The following CLVS1 variants were observed in gnomAD, a reference collection of about 807,000 sequenced individuals.
CLVS1 encodes clavesin-1.
In CLVS1, 10 loss-of-function variants were observed where a neutral mutation model predicts 33.1. That is an observed-to-expected ratio of 0.30 (90% CI 0.19 to 0.51). The LOEUF is 0.51. Ranked by LOEUF, CLVS1 falls within the 20% of genes least tolerant of loss-of-function variation. The probability of loss-of-function intolerance (pLI) is 0.97; values close to 1 mark genes in which losing one functional copy is unlikely to be tolerated. For synonymous variants in CLVS1, 163 were observed against 166.1 expected (o/e 0.98, Z 0.14); for missense variants, 343 against 433.4 (o/e 0.79, Z 1.85).
At position 61,311,245 on chromosome 8, in the gene CLVS1, G is replaced by A. The variant is rs1279566709; in HGVS notation, c.455+10963G>A. 5.9e-5 allele frequency among the ~76,000 whole-genome samples: 9 copies of A among 152,154 alleles called. No homozygotes were observed. In the East Asian group the frequency reaches 7.7e-4, roughly 13 times the overall value. On this transcript the variant is annotated intron_variant, in intron 2 of 5. Coordinates refer to ENST00000325897, the MANE Select transcript of CLVS1 (RefSeq NM_173519.3). ...AATGTGCCTTGATTCCGGCTTCCTC[G>A]ACCCACTGCATGTGTGTATGGTGTG...
intron 2 of CLVS1, among the ~76,000 whole-genome samples, chr8:61,145,154 A>G (rs1806389795): frequency 6.7e-6 from 1 of 149,788 alleles, no homozygotes; most frequent in Admixed American, 6.6e-5. Context: ...AACTATTATC[A>G]GCATGAAAAG....
At chr8:61,257,678 A>G (rs895417520) in intron 2 of CLVS1, among the ~76,000 whole-genome samples, 2 of 152,184 alleles carry the variant, frequency 1.3e-5, no homozygotes, top group Admixed American at 1.3e-4. Context: ...AAAGCTGAAT[A>G]ATTAAGAGGA....
chr8:61,236,637 C>G (rs907851855), intron 2 of CLVS1, among the ~76,000 whole-genome samples: 1 of 152,192 alleles, frequency 6.6e-6, no homozygotes, highest in Non-Finnish European at 1.5e-5. Context: ...CATCTCTCCT[C>G]CCCATGCTCA....
At chr8:61,051,885 C>T in the CLVS1 span, among the ~76,000 whole-genome samples, 3 of 152,276 alleles carry the variant, frequency 2.0e-5, no homozygotes, top group African/African-American at 7.2e-5. Flanking sequence ...GGCCCCATCC[C>T]ACTCCCAGAA....
At chr8:61,112,665 TA>T (rs1805650272) in intron 1 of CLVS1, among the ~76,000 whole-genome samples, 1 of 152,196 alleles carries the variant, frequency 6.6e-6, no homozygotes, top group Non-Finnish European at 1.5e-5. Flanking sequence ...ATCAGTAAGA[TA>T]GATTCTAAAA....
intron 2 of CLVS1, among the ~76,000 whole-genome samples, chr8:61,331,528 A>C: frequency 8.7e-6 from 1 of 115,274 alleles, no homozygotes; most frequent in African/African-American, 2.7e-5. Context: ...TTGCCTTCCC[A>C]ATTAAAAAAA....
chr8:61,376,160 T>C (rs1478606684), intron 2 of CLVS1, among the ~76,000 whole-genome samples: 1 of 152,224 alleles, frequency 6.6e-6, no homozygotes, highest in African/African-American at 2.4e-5. Flanking sequence ...TTCATCAAAA[T>C]AAACACCTCT....
chr8:61,325,488 C>T (rs145340915), intron 2 of CLVS1, among the ~76,000 whole-genome samples: 5 of 152,252 alleles, frequency 3.3e-5, no homozygotes, highest in African/African-American at 1.2e-4. Flanking sequence ...CATTGTGACT[C>T]TCTTAAAAAC....
chr8:61,476,375 A>C (rs1430481438), intron 5 of CLVS1, among the ~76,000 whole-genome samples: 1 of 152,102 alleles, frequency 6.6e-6, no homozygotes, highest in Admixed American at 6.6e-5. Context: ...TGAATCTGTA[A>C]ATTACCTTGG....
rs115833814 is a variant in CLVS1 at position 61,202,454 on chromosome 8, A to G, written c.-152+70594A>G. 1.3e-3 allele frequency: 1,049 copies of G among 791,552 alleles called. 12 individuals carry two copies. In the African/African-American group the frequency reaches 0.016, roughly 12 times the overall value. The allele number at this position is 791,552 out of a possible 1,614,324, so 49.0% of individuals were successfully genotyped here. A position where few individuals can be genotyped will look rare whatever the true frequency, so the allele number is the denominator to read the frequency against. ...AAAGATTGTCACTTTAAGGTGGATA[A>G]TGATGAAAATGAGCGCCAGTTGTCT... On this transcript the variant is annotated intron_variant, in intron 2 of 2. Coordinates refer to the CLVS1 transcript ENST00000522621.
chr8:61,047,117 AC>A, the CLVS1 span, among the ~76,000 whole-genome samples: 1 of 152,234 alleles, frequency 6.6e-6, no homozygotes, highest in Non-Finnish European at 1.5e-5. Flanking sequence ...CAAGAAAAAA[AC>A]AAACAACCCC....
the CLVS1 span, among the ~76,000 whole-genome samples, chr8:61,002,707 CT>C: frequency 6.6e-6 from 1 of 152,322 alleles, no homozygotes; most frequent in East Asian, 1.9e-4. Flanking sequence ...GCCCCCTATA[CT>C]TACCATCTGC....
At chr8:61,286,373 G>T (rs548487307), upstream of CLVS1, among the ~76,000 whole-genome samples, 1 of 152,298 alleles carries the variant, frequency 6.6e-6, no homozygotes, top group South Asian at 2.1e-4. Flanking sequence ...AGCCCCTATG[G>T]AGCCATAGAG....
intron 3 of CLVS1, among the ~76,000 whole-genome samples, chr8:61,394,569 TG>T (rs1194073962): frequency 1.3e-5 from 2 of 152,112 alleles, no homozygotes; most frequent in Non-Finnish European, 2.9e-5. Context: ...GGGAAAATTA[TG>T]GCTGCCTCTA....
chr8:60,994,072 A>G, the CLVS1 span, among the ~76,000 whole-genome samples: 1 of 152,052 alleles, frequency 6.6e-6, no homozygotes, highest in East Asian at 1.9e-4. Context: ...AAACAGCAGA[A>G]ATGTGTTTCT....
At chr8:61,484,833 A>G (rs1803812180) in intron 5 of CLVS1, among the ~76,000 whole-genome samples, 1 of 152,256 alleles carries the variant, frequency 6.6e-6, no homozygotes, top group South Asian at 2.1e-4. Context: ...GACAAAAACA[A>G]GCAATGGGGA....
At chr8:61,101,452 TA>T (rs1206171525) in intron 1 of CLVS1, among the ~76,000 whole-genome samples, 1 of 152,164 alleles carries the variant, frequency 6.6e-6, no homozygotes, top group East Asian at 1.9e-4. Context: ...CTTGCTCATT[TA>T]AAAAAATTTA....
chr8:61,311,666 A>G lies in CLVS1; in HGVS notation c.455+11384A>G, dbSNP rs571215002. Among the ~76,000 whole-genome samples, 7 of 152,348 alleles carry G rather than the reference A, an allele frequency of 4.6e-5. No homozygotes were observed. The South Asian group carries it at 6.2e-4, about 14-fold the overall frequency. Reference sequence around the variant, plus strand: ...TGGAGAACAAGGTTTTATTGACAGCATATCTTTCCAGGCCAGCTGCTCCTC... The same window carrying G: ...TGGAGAACAAGGTTTTATTGACAGCGTATCTTTCCAGGCCAGCTGCTCCTC... On this transcript the variant is annotated intron_variant, in intron 2 of 5. Coordinates refer to ENST00000325897, the MANE Select transcript of CLVS1 (RefSeq NM_173519.3).
chr8:61,142,789 G>T (rs1294105224), intron 2 of CLVS1, among the ~76,000 whole-genome samples: 1 of 152,160 alleles, frequency 6.6e-6, no homozygotes, highest in Admixed American at 6.5e-5. Context: ...GTAATGCCAG[G>T]AGGGATTGCT....
Sources: gnomAD v4.1 joint callset for allele counts (sites outside exome capture counted in the v4.1 genomes callset) on GRCh38, gnomAD v4.1.1 for gene constraint, MANE v1.5 for transcripts, NCBI Gene and HGNC (gene_info 2026-07-23, HGNC 2026-07-21) for gene names.